Variants in TLN2 observed in about 807,000 individuals in gnomAD.
TLN2 encodes the protein talin 2.
In TLN2, 118 loss-of-function variants were observed where a neutral mutation model predicts 294.7. The ratio of observed to expected loss-of-function variants is 0.40; its 90% CI spans 0.34 to 0.47. The LOEUF (loss-of-function observed/expected upper bound fraction) is 0.47. Ranked by LOEUF, TLN2 falls within the 20% of genes least tolerant of loss-of-function variation. The probability of loss-of-function intolerance (pLI) is 0.84; values close to 1 mark genes in which losing one functional copy is unlikely to be tolerated. For synonymous variants in TLN2, 1,431 were observed against 1,304.5 expected (o/e 1.10, Z -2.09); for missense variants, 3,083 against 3,282.2 (o/e 0.94, Z 1.48).
chr15:62,767,278 C>T (rs978145067), intron 41 of TLN2, among the ~76,000 whole-genome samples: 7 of 152,058 alleles, frequency 4.6e-5, no homozygotes, highest in African/African-American at 1.7e-4. Context: ...TCTCAAAGGC[C>T]AGTGTCTTTC....
At chr15:62,504,983 G>A (rs951963762) in intron 1 of TLN2, among the ~76,000 whole-genome samples, 3 of 152,088 alleles carry the variant, frequency 2.0e-5, no homozygotes, top group African/African-American at 2.4e-5. Flanking sequence ...TTGAGACGGA[G>A]TCTCACTCTG....
At chr15:62,490,527 G>T (rs543450731) in intron 1 of TLN2, among the ~76,000 whole-genome samples, 1 of 152,132 alleles carries the variant, frequency 6.6e-6, no homozygotes, top group South Asian at 2.1e-4. Context: ...ATTACAGGCA[G>T]CCTTAGGAAA....
At chr15:62,559,008 C>G (rs10438344) in intron 1 of TLN2, among the ~76,000 whole-genome samples, 15,326 of 152,040 alleles carry the variant, frequency 0.1, 967 homozygotes, top group Middle Eastern at 0.2. Flanking sequence ...CCCAATAATC[C>G]TTCATATTTT....
chr15:62,550,172 G>C (rs1009047583), intron 1 of TLN2, among the ~76,000 whole-genome samples: 1 of 152,176 alleles, frequency 6.6e-6, no homozygotes, highest in Non-Finnish European at 1.5e-5. Context: ...GGTCTGAGTG[G>C]TCAGCAGGAT....
intron 45 of TLN2, among the ~76,000 whole-genome samples, chr15:62,785,508 T>C (rs2064564145): frequency 6.6e-6 from 1 of 152,304 alleles, no homozygotes; most frequent in East Asian, 1.9e-4. Context: ...ACAAAAATAC[T>C]GGGCGTGATG....
chr15:62,560,511 G>C (rs560877791), intron 1 of TLN2, among the ~76,000 whole-genome samples: 1 of 152,174 alleles, frequency 6.6e-6, no homozygotes, highest in Non-Finnish European at 1.5e-5. Context: ...ATTTTTAGTA[G>C]AGACAGGGTT....
intron 54 of TLN2, among the ~76,000 whole-genome samples, chr15:62,823,567 A>G (rs1157811256): frequency 6.6e-6 from 1 of 152,194 alleles, no homozygotes; most frequent in Non-Finnish European, 1.5e-5. Context: ...TGCTTTCAGG[A>G]AGAGTTTGGG....
At chr15:62,774,526 G>C (rs929094543) in intron 42 of TLN2, among the ~76,000 whole-genome samples, 2 of 152,194 alleles carry the variant, frequency 1.3e-5, no homozygotes, top group African/African-American at 4.8e-5. Flanking sequence ...GTCTGATAAA[G>C]ATGAGACTTG....
intron 1 of TLN2, among the ~76,000 whole-genome samples, chr15:62,456,359 C>G (rs2036480739): frequency 6.6e-6 from 1 of 152,198 alleles, no homozygotes; most frequent in Non-Finnish European, 1.5e-5. Flanking sequence ...GCAGCTGCAG[C>G]CTCAGCCGCA....
At chr15:62,836,523 A>G (rs1228712688) in intron 57 of TLN2, among the ~76,000 whole-genome samples, 2 of 152,178 alleles carry the variant, frequency 1.3e-5, no homozygotes, top group Non-Finnish European at 2.9e-5. Flanking sequence ...TGCCTCTCTC[A>G]TACGTTACTA....
At chr15:62,820,121 A>G (rs1444030353) in intron 53 of TLN2, among the ~76,000 whole-genome samples, 1 of 152,176 alleles carries the variant, frequency 6.6e-6, no homozygotes, top group East Asian at 1.9e-4. Context: ...GAGAATGGCA[A>G]ATTCCTGTGT....
intron 14 of TLN2, among the ~76,000 whole-genome samples, chr15:62,695,855 C>T (rs201655001): frequency 6.6e-6 from 1 of 152,234 alleles, no homozygotes; most frequent in East Asian, 1.9e-4. Flanking sequence ...TCAGAGGACT[C>T]TGCTGTGCTT....
At chr15:62,513,593 C>T (rs186073995) in intron 1 of TLN2, among the ~76,000 whole-genome samples, 1 of 152,172 alleles carries the variant, frequency 6.6e-6, no homozygotes, top group Non-Finnish European at 1.5e-5. Context: ...AGTCACTTAA[C>T]CTCCAGTTAC....
intron 20 of TLN2, among the ~76,000 whole-genome samples, chr15:62,707,762 T>C (rs2059158556): frequency 1.3e-5 from 2 of 152,190 alleles, no homozygotes; most frequent in African/African-American, 4.8e-5. Context: ...ATGAGGAATC[T>C]GAGGCCCTTA....
At chr15:62,512,800 C>T (rs528339430) in intron 1 of TLN2, among the ~76,000 whole-genome samples, 15 of 152,330 alleles carry the variant, frequency 9.8e-5, no homozygotes, top group African/African-American at 2.9e-4. Flanking sequence ...ATCCTCCATG[C>T]TGCTCTGCTG....
intron 1 of TLN2, among the ~76,000 whole-genome samples, chr15:62,437,092 G>C (rs1199516694): frequency 1.3e-5 from 2 of 152,186 alleles, no homozygotes; most frequent in Non-Finnish European, 2.9e-5. Flanking sequence ...CAACACATTG[G>C]TTCAATGGAC....
intron 44 of TLN2, among the ~76,000 whole-genome samples, chr15:62,781,566 G>A (rs901698957): frequency 1.3e-5 from 2 of 152,152 alleles, no homozygotes; most frequent in African/African-American, 4.8e-5. Flanking sequence ...AAGGAGAAAG[G>A]GGGAGAATCT....
At chr15:62,702,442 T>G (rs1436284738) in intron 18 of TLN2, among the ~76,000 whole-genome samples, 2 of 152,186 alleles carry the variant, frequency 1.3e-5, no homozygotes, top group Non-Finnish European at 2.9e-5. Flanking sequence ...TACAGGAACT[T>G]AACACACATG....
intron 3 of TLN2, among the ~76,000 whole-genome samples, chr15:62,635,700 T>G (rs2050310421): frequency 6.6e-6 from 1 of 152,168 alleles, no homozygotes; most frequent in Non-Finnish European, 1.5e-5. Flanking sequence ...GCCTAATTTA[T>G]CTAGGGTAAA....
Sources: gnomAD v4.1 joint callset for allele counts (sites outside exome capture counted in the v4.1 genomes callset) on GRCh38, gnomAD v4.1.1 for gene constraint, MANE v1.5 for transcripts, NCBI Gene and HGNC (gene_info 2026-07-23, HGNC 2026-07-21) for gene names.